Variants in CHRD observed in about 807,000 individuals in gnomAD.
The protein encoded by CHRD is chordin.
A neutral mutation model predicts 113.7 loss-of-function variants in CHRD; 69 were observed. The ratio of observed to expected loss-of-function variants is 0.61; its 90% CI spans 0.50 to 0.74. The LOEUF (loss-of-function observed/expected upper bound fraction) is 0.74, where lower values mean the gene tolerates loss of function less well. CHRD is among the 30% of genes least tolerant of loss of function. The pLI, the probability that CHRD is intolerant of heterozygous loss-of-function variation, is 0.00. For synonymous variants in CHRD, 561 were observed against 540.8 expected, an observed-to-expected ratio of 1.04 and a Z score of -0.52; for missense variants, 1,194 against 1,295.8, an observed-to-expected ratio of 0.92 and a Z score of 1.21.
At position 184,380,801 on chromosome 3, in the gene CHRD, T is replaced by G. The variant is rs779022396; in HGVS notation, c.252+6T>G. The G allele has an allele frequency of 6.3e-7, 1 of 1,582,454 alleles. No homozygotes were observed. The highest frequency in any genetic ancestry group is 8.5e-7 in the Non-Finnish European group (1 of 1,170,922). On this transcript the variant is annotated splice_donor_region_variant and intron_variant, in intron 2 of 22. Coordinates refer to ENST00000204604, the Ensembl canonical transcript of CHRD. The surrounding 1 kb of genome is among the most constrained non-coding windows in gnomAD (Gnocchi z 6.3). ...TGCTGTGCGCCTGCGAGGCGGTGAG[T>G]GCACCCCGCGGCCGGCCCGGGCCCT...
At chr3:184,382,665 C>T in exon 8 of CHRD, 3 of 1,613,524 alleles carry the variant, frequency 1.9e-6, no homozygotes, top group South Asian at 1.1e-5. Context: ...CTCTAGAAGG[C>T]CCCCCACAGC....
At chr3:184,383,775 C>CTTTT (rs58835715) in intron 12 of CHRD, 133 bp downstream of exon 12, 203 of 425,886 alleles carry the variant, frequency 4.8e-4, no homozygotes, top group Middle Eastern at 7.1e-4. Context: ...ATTCATTTGA[C>CTTTT]TTTTTTTTTT....
At chr3:184,386,983 G>T (rs765865432) in intron 17 of CHRD, 45 bp downstream of exon 17, 1 of 1,614,034 alleles carries the variant, frequency 6.2e-7, no homozygotes, top group East Asian at 2.2e-5. Context: ...GGCCCAGTGC[G>T]GACAGGTCCT....
rs577705607 is a variant in CHRD, at chr3:184,382,176, G to A, written c.699+156G>A. The A allele has an allele frequency of 8.2e-6, 10 of 1,224,682 alleles. No homozygotes were observed. In the African/African-American group the frequency reaches 1.5e-4, roughly 18 times the overall value. The allele number at this position is 1,224,682 out of a possible 1,614,324, so 75.9% of individuals were successfully genotyped here. A position where few individuals can be genotyped will look rare whatever the true frequency, so the allele number is the denominator to read the frequency against. ...CAGAAGGGGGAACTGAGGCTCAGTA[G>A]GATAATGTGATTTGTTCAAGGTCAC... On this transcript the variant is annotated intron_variant, in intron 6 of 22. Transcript: ENST00000204604.
Position 184,381,850 on chromosome 3 carries a change from G to GCCGGGGCC in CHRD, c.611+37_611+44dup. ...GGGAAGGAGCAAGGAGGGGTCAGCT[G>GCCGGGGCC]CCGGGGCCCGGGAGGGAAACTGGGA... On this transcript the variant is annotated intron_variant, in intron 5 of 22. Transcript: ENST00000204604. This position sits in a 1 kb window ranked among gnomAD's most constrained non-coding sequence, Gnocchi z 4.7. 1 of 1,611,154 alleles carries GCCGGGGCC rather than the reference G, an allele frequency of 6.2e-7. No individual in the cohort carries two copies. The highest frequency in any genetic ancestry group is 1.1e-5 in the South Asian group (1 of 90,730).
rs745331545 is a variant in CHRD, at chr3:184,381,401, G to A, written c.382+37G>A. ...TCCGCCCTGCGGGGAGGGAGGCAGG[G>A]CCACGATACTAGGTCCCGGGCCACT... On this transcript the variant is annotated intron_variant, in intron 3 of 22. Transcript: ENST00000204604. The surrounding 1 kb of genome is among the most constrained non-coding windows in gnomAD (Gnocchi z 4.7). The A allele has an allele frequency of 5.0e-6, 8 of 1,596,690 alleles. No homozygotes were observed. The African/African-American group carries it at 9.4e-5, about 19-fold the overall frequency.
chr3:184,389,411 G>A lies in CHRD; in HGVS notation c.2857G>A (p.Glu953Lys), dbSNP rs1447001552. 34 of 1,613,532 alleles carry A rather than the reference G, an allele frequency of 2.1e-5. No homozygotes were observed. The East Asian group carries it at 3.1e-4, about 15-fold the overall frequency. ...TGATCCAGAGCTGGAGAAAGAAGCCGAAGGCTCTTAGGGAGCAGCCAGAGG... is the reference window on the plus strand; with the variant it reads ...TGATCCAGAGCTGGAGAAAGAAGCCAAAGGCTCTTAGGGAGCAGCCAGAGG... The change falls in exon 23 of 23, where the codon GAA becomes AAA. Residue 953 changes from glutamate to lysine, a missense_variant. By Grantham distance (56) the Glu-to-Lys change is moderately conservative. Coordinates refer to ENST00000204604, the Ensembl canonical transcript of CHRD.
rs963751992 is a variant in CHRD, at chr3:184,388,913, G to A, written c.2730G>A (p.Glu910=). 3 of 1,613,186 alleles carry A rather than the reference G, an allele frequency of 1.9e-6. No individual in the cohort carries two copies. The African/African-American group carries it at 4.0e-5, about 22-fold the overall frequency. ...ACCAGGCAGGGGTGCCTCACTGTGA[G>A]CGGGATGACTGTTCACTGCCACTGT... The change falls in exon 22 of 23, where the codon GAG becomes GAA. Residue 910 remains glutamate (E), a synonymous_variant. Transcript: ENST00000204604. This position sits in a 1 kb window ranked among gnomAD's most constrained non-coding sequence, Gnocchi z 6.1.
exon 16 of CHRD, chr3:184,386,610 G>A: frequency 6.2e-7 from 1 of 1,605,518 alleles, no homozygotes; most frequent in Non-Finnish European, 8.5e-7. Context: ...GTGGTGCCTG[G>A]TCTCCCGGCC....
rs892571672 is a variant in CHRD, at chr3:184,381,698, ATCTTCC to A, written c.512-15_512-10del. 1 of 1,612,018 alleles carries A rather than the reference ATCTTCC, an allele frequency of 6.2e-7. No homozygotes were observed. Among genetic ancestry groups the A allele is most frequent in the Non-Finnish European group, 8.5e-7 (1 of 1,179,514 alleles). On this transcript the variant is annotated splice_polypyrimidine_tract_variant and intron_variant, in intron 4 of 22. Coordinates refer to ENST00000204604, the Ensembl canonical transcript of CHRD. The surrounding 1 kb of genome is among the most constrained non-coding windows in gnomAD (Gnocchi z 4.7). The stretch of plus-strand genomic sequence containing the variant: ...AGCGGCGTTTGACAGTGCTCAGGCC[ATCTTCC>A]TCCCGTCCCAGACTTCGTGGCGCTG...
At chr3:184,382,972 C>T in intron 9 of CHRD, 34 bp downstream of exon 9, 1 of 1,613,264 alleles carries the variant, frequency 6.2e-7, no homozygotes, top group Non-Finnish European at 8.5e-7. Context: ...TGCCACCTGT[C>T]TTGGCCTCTT....
Position 184,380,357 on chromosome 3 carries a change from C to A in CHRD, c.39C>A (p.Leu13=). The A allele has an allele frequency of 2.2e-6, 3 of 1,354,828 alleles. No individual in the cohort carries two copies. Among genetic ancestry groups the A allele is most frequent in the Non-Finnish European group, 2.9e-6 (3 of 1,043,132 alleles). 83.9% of individuals were successfully genotyped at this position (1,354,828 alleles called of 1,614,324 possible). Residue 13 remains leucine, a synonymous_variant, in exon 1 of 23, where the codon CTC becomes CTA. Coordinates refer to ENST00000204604, the Ensembl canonical transcript of CHRD. The surrounding 1 kb of genome is among the most constrained non-coding windows in gnomAD (Gnocchi z 6.3). Reference sequence around the variant, plus strand: ...CGGCCCCGCCGGCCCCGCTGCTGCTCCTCGGGCTGCTGCTGCTCGGCTCCC... The same window carrying A: ...CGGCCCCGCCGGCCCCGCTGCTGCTACTCGGGCTGCTGCTGCTCGGCTCCC...
At position 184,381,980 on chromosome 3, in the gene CHRD, T is replaced by A; in HGVS notation, c.659T>A (p.Val220Asp). The A allele has an allele frequency of 6.2e-7, 1 of 1,614,168 alleles. No homozygotes were observed. The highest frequency in any genetic ancestry group is 8.5e-7 in the Non-Finnish European group (1 of 1,180,042). Residue 220 changes from valine to aspartate, a missense_variant, in exon 6 of 23, where the codon GTC (valine) becomes GAC (aspartate). By Grantham distance (152) the Val-to-Asp change is radical (BLOSUM62 -3). Transcript: ENST00000204604. This position sits in a 1 kb window ranked among gnomAD's most constrained non-coding sequence, Gnocchi z 4.7. ...CGCTTCTCAGACTCCAATGGCAGTG[T>A]CCTGTTTGAGCACCCTGCAGCCCCC... is the stretch of plus-strand genomic sequence containing the variant.
rs756578003 is a variant in CHRD at position 184,382,538 on chromosome 3, G to A, written c.841+8G>A. The A allele has an allele frequency of 9.9e-6, 16 of 1,613,678 alleles. No individual in the cohort carries two copies. The highest frequency in any genetic ancestry group is 1.2e-5 in the Non-Finnish European group (14 of 1,179,932). On this transcript the variant is annotated splice_region_variant and intron_variant, in intron 7 of 22. Transcript: ENST00000204604. Reference sequence around the variant, plus strand: ...ACCGGGCCCTGGCTGCAGGTAGGGAGCAAAGAGCCCCGGGCGTGAAGTTCT... The same window carrying A: ...ACCGGGCCCTGGCTGCAGGTAGGGAACAAAGAGCCCCGGGCGTGAAGTTCT...
At position 184,387,880 on chromosome 3, in the gene CHRD, G is replaced by A; in HGVS notation, c.2452-51G>A. The A allele has an allele frequency of 1.3e-6, 2 of 1,490,742 alleles. No individual in the cohort carries two copies. The highest frequency in any genetic ancestry group is 1.8e-6 in the Non-Finnish European group (2 of 1,082,062). The allele number at this position is 1,490,742 out of a possible 1,614,324, so 92.3% of individuals were successfully genotyped here. A position where few individuals can be genotyped will look rare whatever the true frequency, so the allele number is the denominator to read the frequency against. ...GTGGAATAGGAGAGGGAGTGGGCAG[G>A]AGGCTTATGTGCCCCCTGCCTGACA... On this transcript the variant is annotated intron_variant, in intron 19 of 22. Coordinates refer to ENST00000204604, the Ensembl canonical transcript of CHRD. This position sits in a 1 kb window ranked among gnomAD's most constrained non-coding sequence, Gnocchi z 6.1.
At chr3:184,383,385 C>A (rs1414873539) in exon 11 of CHRD, 1 of 1,613,952 alleles carries the variant, frequency 6.2e-7, no homozygotes, top group Admixed American at 1.7e-5. Context: ...CAGCCAGCCT[C>A]ACGCTGCTAG....
rs913969833 is a variant in CHRD, at chr3:184,388,449, A to G, written c.2555-138A>G. On this transcript the variant is annotated intron_variant, in intron 20 of 22. Coordinates refer to ENST00000204604, the Ensembl canonical transcript of CHRD. The surrounding 1 kb of genome is among the most constrained non-coding windows in gnomAD (Gnocchi z 6.1). ...CATCCATCCGTCCCTTCATCCATCC[A>G]TTCATCTGCCCACCCACCCATCCAA... is the stretch of plus-strand genomic sequence containing the variant. The G allele has an allele frequency of 3.3e-6, 3 of 898,816 alleles. No individual in the cohort carries two copies. In the African/African-American group the frequency reaches 5.0e-5, roughly 15 times the overall value. 55.7% of individuals were successfully genotyped at this position (898,816 alleles called of 1,614,324 possible).
chr3:184,382,033 C>A lies in CHRD; in HGVS notation c.699+13C>A, dbSNP rs1261749037. 6.2e-7 allele frequency: 1 copy of A among 1,613,166 alleles called. No homozygotes were observed. The highest frequency in any genetic ancestry group is 8.5e-7 in the Non-Finnish European group (1 of 1,179,870). ...CCAAGATGGCCTGGTGAGATGATGC[C>A]ATTTATGAGCACTTGCCCAGTCTGG... On this transcript the variant is annotated intron_variant, in intron 6 of 22. Coordinates refer to ENST00000204604, the Ensembl canonical transcript of CHRD.
rs111489170 is a variant in CHRD at position 184,381,008 on chromosome 3, G to A, written c.252+213G>A. On this transcript the variant is annotated intron_variant, in intron 2 of 22. Transcript: ENST00000204604. The surrounding 1 kb of genome is among the most constrained non-coding windows in gnomAD (Gnocchi z 4.7). ...TGAGGCTCTGTGCCAACTCCGTTTCGTTCCCTGCTCATCTAACTCTCATGG... is the reference window on the plus strand; with the variant it reads ...TGAGGCTCTGTGCCAACTCCGTTTCATTCCCTGCTCATCTAACTCTCATGG... The A allele has an allele frequency of 1.2e-4, 91 of 738,888 alleles. No homozygotes were observed. The highest frequency in any genetic ancestry group is 2.0e-4 in the Non-Finnish European group (84 of 418,796). 45.8% of individuals were successfully genotyped at this position (738,888 alleles called of 1,614,324 possible). A position where few individuals can be genotyped will look rare whatever the true frequency, so the allele number is the denominator to read the frequency against.
Sources: allele counts gnomAD v4.1 joint callset, GRCh38; gene constraint gnomAD v4.1.1; non-coding constraint Gnocchi (gnomAD v3.1); transcripts MANE v1.5; gene names NCBI Gene and HGNC (gene_info 2026-07-23, HGNC 2026-07-21).